Variants in RGS3 observed in about 807,000 individuals in gnomAD.
The protein encoded by RGS3 is regulator of G protein signaling 3, also known as regulator of G-protein signalling 3.
A neutral mutation model predicts 132.6 loss-of-function variants in RGS3; 80 were observed. That is an observed-to-expected ratio of 0.60 (90% confidence interval 0.50 to 0.73). The LOEUF is 0.73. Ranked by LOEUF, RGS3 falls within the 30% of genes least tolerant of loss-of-function variation. The probability of loss-of-function intolerance (pLI) is 0.00; values close to 1 mark genes in which losing one functional copy is unlikely to be tolerated. For missense variants in RGS3, 1,382 were observed against 1,530.8 expected, an observed-to-expected ratio of 0.90 and a Z score of 1.62; for synonymous variants, 598 against 620.6, an observed-to-expected ratio of 0.96 and a Z score of 0.54.
At chr9:113,448,846 A>T (rs1392575944) in intron 1 of RGS3, among the ~76,000 whole-genome samples, 2 of 152,226 alleles carry the variant, frequency 1.3e-5, no homozygotes, top group Non-Finnish European at 2.9e-5. Flanking sequence ...AGTGATGAGA[A>T]GAAGGAGAGG....
chr9:113,448,152 C>T (rs895938141), intron 1 of RGS3, among the ~76,000 whole-genome samples: 1 of 152,170 alleles, frequency 6.6e-6, no homozygotes, highest in Non-Finnish European at 1.5e-5. Context: ...GCCACCATGC[C>T]AAGCCTAACC....
chr9:113,499,820 A>G lies in RGS3; in HGVS notation c.897+1740A>G, dbSNP rs538247823. Among the ~76,000 whole-genome samples the G allele has an allele frequency of 3.9e-5, 6 of 152,316 alleles. No individual in the cohort carries two copies. The East Asian group carries it at 1.2e-3, about 29-fold the overall frequency. On this transcript the variant is annotated intron_variant, in intron 10 of 24. Transcript: ENST00000350696. ...CTTTAGTTTTAAGTAATTTCAGTTT[A>G]CCTGGCACATGTGTCTAGCTGCGAC... is the stretch of plus-strand genomic sequence containing the variant.
Position 113,583,502 on chromosome 9 carries a change from AG to A in RGS3, c.2094del (p.Pro699LeufsTer136). 6.2e-7 allele frequency: 1 copy of A among 1,614,180 alleles called. No homozygotes were observed. On this transcript the variant is annotated frameshift_variant, in exon 20 of 25. Coordinates refer to ENST00000350696, the Ensembl canonical transcript of RGS3. LOFTEE classifies it high-confidence loss of function. ...AGGGAGATGGCCTTGGAGGAAGGGA[AG>A]GGGCCTGGTGCCGAGGATTCCCCAC...
chr9:113,581,986 C>T, intron 19 of RGS3: 2 of 979,494 alleles, frequency 2.0e-6, no homozygotes, highest in Non-Finnish European at 2.4e-6. Flanking sequence ...CTCTGCTCTG[C>T]AGGGCTCCAC....
rs1003514266 is a variant in RGS3, at chr9:113,529,086, C to T, written c.1871-135C>T. On this transcript the variant is annotated intron_variant, in intron 17 of 24. Coordinates refer to ENST00000350696, the Ensembl canonical transcript of RGS3. ...TTTTCCTCCAGAGACTTCCCTGCCT[C>T]CCATGCCTGCCTCTCTCTTTTCCCA... is the stretch of plus-strand genomic sequence containing the variant. 5 of 725,908 alleles carry T rather than the reference C, an allele frequency of 6.9e-6. No individual in the cohort carries two copies. In the African/African-American group the frequency reaches 8.7e-5, roughly 13 times the overall value. The allele number at this position is 725,908 out of a possible 1,614,324, so 45.0% of individuals were successfully genotyped here.
intron 14 of RGS3, among the ~76,000 whole-genome samples, chr9:113,509,986 G>C (rs1302762684): frequency 6.6e-6 from 1 of 152,016 alleles, no homozygotes; most frequent in Middle Eastern, 3.2e-3. Context: ...AGTGGTATTT[G>C]GTTACGTAAG....
intron 14 of RGS3, 62 bp downstream of exon 12, chr9:113,508,642 C>A: frequency 1.3e-6 from 2 of 1,556,710 alleles, no homozygotes; most frequent in Non-Finnish European, 8.8e-7. Flanking sequence ...TCAGCTGAGG[C>A]CTGGCCCAGC....
Position 113,474,195 on chromosome 9 carries a change from A to G in RGS3, c.416-5296A>G, listed in dbSNP as rs561957237. Reference sequence around the variant, plus strand: ...AAGGAAAAAGAGCTTGGGAAACTACATTAATATCAGCTTTCACAGGAAGCA... The same window carrying G: ...AAGGAAAAAGAGCTTGGGAAACTACGTTAATATCAGCTTTCACAGGAAGCA... On this transcript the variant is annotated intron_variant, in intron 3 of 24. Transcript: ENST00000350696. 5.3e-5 allele frequency among the ~76,000 whole-genome samples: 8 copies of G among 152,318 alleles called. No individual in the cohort carries two copies. In the South Asian group the frequency reaches 1.7e-3, roughly 32 times the overall value.
intron 1 of RGS3, among the ~76,000 whole-genome samples, chr9:113,450,901 C>T (rs915848970): frequency 2.0e-5 from 3 of 152,040 alleles, no homozygotes; most frequent in South Asian, 2.1e-4. Flanking sequence ...GTCCCCAGGC[C>T]GGGCACAGTG....
intron 18 of RGS3, 45 bp from the exon 17 acceptor site, chr9:113,536,751 G>C: frequency 1.3e-6 from 2 of 1,595,386 alleles, no homozygotes; most frequent in Admixed American, 1.7e-5. Flanking sequence ...CCCTGAACCA[G>C]GGAGCAGCCC....
chr9:113,529,090 T>C (rs560467389), intron 17 of RGS3, 131 bp from the exon 16 acceptor site: 93 of 740,160 alleles, frequency 1.3e-4, no homozygotes, highest in Non-Finnish European at 2.1e-4. Flanking sequence ...CTGCCTCCCA[T>C]GCCTGCCTCT....
chr9:113,559,564 A>T (rs7024445), intron 19 of RGS3, among the ~76,000 whole-genome samples: 4 of 152,260 alleles, frequency 2.6e-5, no homozygotes, highest in Admixed American at 2.6e-4. Flanking sequence ...GTTGGGAATC[A>T]TCCATTGCGG....
chr9:113,462,228 G>A, intron 3 of RGS3: 2 of 1,484,168 alleles, frequency 1.3e-6, no homozygotes. Context: ...CTGGCTTGAG[G>A]CTAGGAGAGT....
At chr9:113,456,830 C>T (rs931915372), upstream of RGS3, among the ~76,000 whole-genome samples, 10 of 151,904 alleles carry the variant, frequency 6.6e-5, no homozygotes, top group African/African-American at 2.4e-4. Context: ...GACAGAGTTT[C>T]GCTTTTGTCT....
At chr9:113,485,277 G>A (rs1002227146) in intron 6 of RGS3, among the ~76,000 whole-genome samples, 1 of 152,088 alleles carries the variant, frequency 6.6e-6, no homozygotes, top group Non-Finnish European at 1.5e-5. Context: ...TTTTAGTAGA[G>A]ACGGGGTTTC....
chr9:113,588,823 C>T (rs146509406), intron 20 of RGS3, among the ~76,000 whole-genome samples: 23 of 152,296 alleles, frequency 1.5e-4, no homozygotes, highest in Admixed American at 1.5e-3. Flanking sequence ...CCGGTTATTA[C>T]CCGCATTTTA....
intron 19 of RGS3, among the ~76,000 whole-genome samples, chr9:113,566,678 C>CT (rs902138179): frequency 3.3e-5 from 5 of 152,240 alleles, no homozygotes; most frequent in African/African-American, 1.2e-4. Context: ...CCTTCCTGAC[C>CT]TGAGAGGCTT....
At chr9:113,533,611 A>G (rs994781730) in intron 18 of RGS3, among the ~76,000 whole-genome samples, 1 of 152,250 alleles carries the variant, frequency 6.6e-6, no homozygotes, top group Non-Finnish European at 1.5e-5. Flanking sequence ...CAGAAAGAAA[A>G]GAGGACATGG....
chr9:113,586,835 A>G (rs998668833), intron 20 of RGS3, among the ~76,000 whole-genome samples: 2 of 152,336 alleles, frequency 1.3e-5, no homozygotes, highest in East Asian at 1.9e-4. Flanking sequence ...TGAAATGGGT[A>G]TGGTAATAAT....
Sources: gnomAD v4.1 joint callset for allele counts (sites outside exome capture counted in the v4.1 genomes callset) on GRCh38, gnomAD v4.1.1 for gene constraint, MANE v1.5 for transcripts, NCBI Gene and HGNC (gene_info 2026-07-23, HGNC 2026-07-21) for gene names.